Variants in CEP85L observed in about 807,000 individuals in gnomAD.
CEP85L encodes the protein centrosomal protein of 85 kDa-like.
Under a neutral mutation model 100.3 loss-of-function variants are expected in CEP85L, and 60 were observed. That is an observed-to-expected ratio of 0.60 (90% CI 0.49 to 0.74). CEP85L has a LOEUF of 0.74. CEP85L is among the 30% of genes least tolerant of loss of function. The pLI, the probability that CEP85L is intolerant of heterozygous loss-of-function variation, is 0.00. For missense variants in CEP85L, 973 were observed against 936.2 expected (o/e 1.04, Z -0.51); for synonymous variants, 319 against 322.7 (o/e 0.99, Z 0.12).
chr6:118,487,732 ACT>A (rs1317287490), intron 6 of CEP85L, among the ~76,000 whole-genome samples: 1 of 152,138 alleles, frequency 6.6e-6, no homozygotes, highest in Non-Finnish European at 1.5e-5. Context: ...GGACCATGAC[ACT>A]CTTGCTGCCT....
At chr6:118,475,470 C>T (rs1773296153) in intron 10 of CEP85L, among the ~76,000 whole-genome samples, 1 of 151,158 alleles carries the variant, frequency 6.6e-6, no homozygotes, top group African/African-American at 2.4e-5. Flanking sequence ...TCTCCTGCCT[C>T]AGCCTCCTGA....
chr6:118,603,301 C>A (rs1211339266), intron 2 of CEP85L, among the ~76,000 whole-genome samples: 1 of 152,140 alleles, frequency 6.6e-6, no homozygotes, highest in African/African-American at 2.4e-5. Context: ...ACTGTGTAGG[C>A]AAGGAATGAG....
chr6:118,581,401 A>G, intron 2 of CEP85L, among the ~76,000 whole-genome samples: 1 of 152,140 alleles, frequency 6.6e-6, no homozygotes, highest in Admixed American at 6.5e-5. Context: ...GCCTTCCCCA[A>G]TTACACAGTT....
At chr6:118,576,899 A>C (rs1780270107) in intron 2 of CEP85L, among the ~76,000 whole-genome samples, 1 of 152,204 alleles carries the variant, frequency 6.6e-6, no homozygotes, top group Admixed American at 6.5e-5. Flanking sequence ...TCTGCACGCT[A>C]AACAAAAGCG....
chr6:118,651,291 G>A lies in CEP85L; in HGVS notation c.-22C>T. 4.1e-6 allele frequency: 6 copies of A among 1,470,592 alleles called. No homozygotes were observed. The highest frequency in any genetic ancestry group is 3.6e-6 in the Non-Finnish European group (4 of 1,114,028). 91.1% of individuals were successfully genotyped at this position (1,470,592 alleles called of 1,614,324 possible). On this transcript the variant is annotated 5_prime_UTR_variant, in exon 1 of 13. Transcript: ENST00000368491. ...ACATCGCGGGCGAGAGGGCCGGGTG[G>A]GCCAGGGACGCCCGACTCCTCACGT...
At chr6:118,505,356 G>C (rs1048446865) in intron 5 of CEP85L, among the ~76,000 whole-genome samples, 18 of 131,636 alleles carry the variant, frequency 1.4e-4, no homozygotes, top group African/African-American at 4.9e-4. Flanking sequence ...CAGGAGAATT[G>C]CTTGAACCCA....
In CEP85L at chr6:118,589,180, G is replaced by A. The variant is rs1380188660; in HGVS notation, c.233-22864C>T. ...CCAGATACTTATCTAATAAAGAGTG[G>A]GGAAAGCTGAAAAACTCAGAGAAAA... is the stretch of plus-strand genomic sequence containing the variant. On this transcript the variant is annotated intron_variant, in intron 2 of 12. Transcript: ENST00000368491. 4 of 246,492 alleles carry A rather than the reference G, an allele frequency of 1.6e-5. No homozygotes were observed. In the Admixed American group the frequency reaches 1.7e-4, roughly 10 times the overall value. 15.3% of individuals were successfully genotyped at this position (246,492 alleles called of 1,614,324 possible).
intron 3 of CEP85L, among the ~76,000 whole-genome samples, chr6:118,551,167 T>G (rs1046295541): frequency 6.6e-6 from 1 of 152,018 alleles, no homozygotes; most frequent in East Asian, 1.9e-4. Context: ...GTAGTCTCTT[T>G]GTACAATTTC....
intron 5 of CEP85L, among the ~76,000 whole-genome samples, chr6:118,509,826 TAAACATGC>T (rs1002927458): frequency 2.6e-5 from 4 of 151,998 alleles, no homozygotes; most frequent in Non-Finnish European, 5.9e-5. Context: ...TATATAAAAA[TAAACATGC>T]AAACAAGTTT....
chr6:118,588,722 T>A (rs536952274), intron 2 of CEP85L, among the ~76,000 whole-genome samples: 1 of 152,340 alleles, frequency 6.6e-6, no homozygotes, highest in South Asian at 2.1e-4. Flanking sequence ...ATAACTTGTA[T>A]AACTCAGTAC....
chr6:118,610,713 A>G (rs1772549476), intron 2 of CEP85L, among the ~76,000 whole-genome samples: 1 of 152,188 alleles, frequency 6.6e-6, no homozygotes, highest in Admixed American at 6.5e-5. Context: ...CGAAAGGCAC[A>G]TGATAATTGA....
chr6:118,558,621 G>GCACA (rs1280397001), intron 3 of CEP85L, among the ~76,000 whole-genome samples: 30 of 60,004 alleles, frequency 5.0e-4, no homozygotes, highest in African/African-American at 1.4e-3. Context: ...AGAAACACGT[G>GCACA]CACATACACA....
intron 2 of CEP85L, among the ~76,000 whole-genome samples, chr6:118,570,361 C>T (rs1481932305): frequency 6.6e-6 from 1 of 152,178 alleles, no homozygotes; most frequent in Non-Finnish European, 1.5e-5. Context: ...GTCTCACTTT[C>T]CATATCACAG....
At chr6:118,536,278 G>C (rs1407435941) in intron 3 of CEP85L, among the ~76,000 whole-genome samples, 1 of 152,134 alleles carries the variant, frequency 6.6e-6, no homozygotes, top group Non-Finnish European at 1.5e-5. Flanking sequence ...AGTCAGAACA[G>C]TAGAGATGGG....
intron 1 of CEP85L, among the ~76,000 whole-genome samples, chr6:118,666,124 T>A (rs1776126570): frequency 6.6e-6 from 1 of 152,228 alleles, no homozygotes; most frequent in Non-Finnish European, 1.5e-5. Context: ...AGCCCCAGAT[T>A]CCTGGCTACT....
chr6:118,652,005 T>A, upstream of CEP85L: 1 of 641,288 alleles, frequency 1.6e-6, no homozygotes, highest in Non-Finnish European at 1.9e-6. Context: ...CCCTTGGAAT[T>A]AGGATTGGGA....
chr6:118,573,461 G>A (rs968706829), intron 2 of CEP85L, among the ~76,000 whole-genome samples: 1 of 152,012 alleles, frequency 6.6e-6, no homozygotes, highest in African/African-American at 2.4e-5. Context: ...ATTCTGAGTT[G>A]AAAAAAGGAA....
At chr6:118,649,820 C>G (rs899996983) in intron 1 of CEP85L, among the ~76,000 whole-genome samples, 8 of 152,112 alleles carry the variant, frequency 5.3e-5, no homozygotes, top group African/African-American at 1.9e-4. Flanking sequence ...GTGAATGATT[C>G]AAATCATTCA....
chr6:118,495,871 T>C (rs538146076), intron 5 of CEP85L, among the ~76,000 whole-genome samples: 1 of 152,344 alleles, frequency 6.6e-6, no homozygotes, highest in Non-Finnish European at 1.5e-5. Flanking sequence ...GCAATCCAGG[T>C]TGAAAAGTCT....
Sources: allele counts gnomAD v4.1 joint callset (sites outside exome capture counted in the v4.1 genomes callset), GRCh38; gene constraint gnomAD v4.1.1; transcripts MANE v1.5; gene names NCBI Gene and HGNC (gene_info 2026-07-23, HGNC 2026-07-21).